The following HECTD4 variants were observed in gnomAD, a reference collection of about 807,000 sequenced individuals.
HECTD4 encodes HECT domain E3 ubiquitin protein ligase 4, also known as probable E3 ubiquitin-protein ligase HECTD4.
In HECTD4, 114 loss-of-function variants were observed where a neutral mutation model predicts 471.5. The ratio of observed to expected loss-of-function variants is 0.24; its 90% CI spans 0.21 to 0.28. The LOEUF (loss-of-function observed/expected upper bound fraction) is 0.28. Ranked by LOEUF, HECTD4 falls within the 10% of genes least tolerant of loss-of-function variation. The probability of loss-of-function intolerance (pLI) is 1.00; values close to 1 mark genes in which losing one functional copy is unlikely to be tolerated. For synonymous variants in HECTD4, 2,012 were observed against 2,256.0 expected (o/e 0.89, Z 3.07); for missense variants, 3,866 against 5,651.5 (o/e 0.68, Z 10.13).
At position 112,209,421 on chromosome 12, in the gene HECTD4, G is replaced by C. The variant is rs529482256; in HGVS notation, c.7867+594C>G. On this transcript the variant is annotated intron_variant, in intron 50 of 75. Transcript: ENST00000682272. Reference sequence around the variant, plus strand: ...AACTCACTGCAACCTCCACCTCCCGGTTCAAGCAATTCTTCTGCCTCAGCC... The same window carrying C: ...AACTCACTGCAACCTCCACCTCCCGCTTCAAGCAATTCTTCTGCCTCAGCC... 1.7e-4 allele frequency among the ~76,000 whole-genome samples: 26 copies of C among 151,910 alleles called. No homozygotes were observed. The East Asian group carries it at 5.0e-3, about 29-fold the overall frequency.
Position 112,243,606 on chromosome 12 carries a change from A to G in HECTD4, c.4791+14T>C. ...TAGGTGCTATTCATCTGGAGCCCGC[A>G]AAATGTGACGTACAGCTTGGTCAGG... On this transcript the variant is annotated intron_variant, in intron 31 of 75. Transcript: ENST00000682272. The surrounding 1 kb of genome is among the most constrained non-coding windows in gnomAD (Gnocchi z 6.6). 1 of 1,607,858 alleles carries G rather than the reference A, an allele frequency of 6.2e-7. No individual in the cohort carries two copies. Among genetic ancestry groups the G allele is most frequent in the East Asian group, 2.2e-5 (1 of 44,692 alleles).
intron 5 of HECTD4, 108 bp from the exon 6 acceptor site, chr12:112,308,999 T>A: frequency 8.8e-7 from 1 of 1,142,212 alleles, no homozygotes; most frequent in Non-Finnish European, 1.2e-6. Flanking sequence ...AAAAAATGAG[T>A]AAGTATGTAA....
intron 8 of HECTD4, 29 bp downstream of exon 8, chr12:112,283,081 A>G (rs772615466): frequency 1.9e-6 from 3 of 1,581,730 alleles, no homozygotes; most frequent in South Asian, 1.1e-5. Context: ...ATACAAGGAA[A>G]CAGATCTGGG....
rs1330303399 is a variant in HECTD4, at chr12:112,235,201, T to C, written c.5791A>G (p.Lys1931Glu). 6.2e-7 allele frequency: 1 copy of C among 1,614,032 alleles called. No homozygotes were observed. The highest frequency in any genetic ancestry group is 8.5e-7 in the Non-Finnish European group (1 of 1,179,890). The part of the protein sequence containing the change: ...PDTTLTKTSP[K>E]NSLKGDKDPG... ...TCTTTATCTCCTTTCAAGGAATTCTTGGGACTGGTTTTTGTCAATGTGGTG... is the reference window on the plus strand; with the variant it reads ...TCTTTATCTCCTTTCAAGGAATTCTCGGGACTGGTTTTTGTCAATGTGGTG... Residue 1931 changes from lysine (K) to glutamate (E), a missense_variant, in exon 37 of 76, where the codon AAG becomes GAG. Lys to Glu is a moderately conservative substitution (Grantham distance 56). This residue lies in a region of HECTD4 where 617 missense variants were observed against 915.1 expected (regional missense o/e 0.67). Transcript: ENST00000682272. This position sits in a 1 kb window ranked among gnomAD's most constrained non-coding sequence, Gnocchi z 5.0.
At chr12:112,335,420 T>C (rs896564344) in intron 1 of HECTD4, among the ~76,000 whole-genome samples, 2 of 151,978 alleles carry the variant, frequency 1.3e-5, no homozygotes, top group African/African-American at 4.8e-5. Context: ...AGACTATAAA[T>C]TGCGGCTCAT....
chr12:112,163,748 G>T lies in HECTD4; in HGVS notation c.12702-11C>A. The T allele has an allele frequency of 6.9e-7, 1 of 1,456,828 alleles. No individual in the cohort carries two copies. 90.2% of individuals were successfully genotyped at this position (1,456,828 alleles called of 1,614,324 possible). On this transcript the variant is annotated splice_polypyrimidine_tract_variant and intron_variant, in intron 73 of 75. Transcript: ENST00000682272. This position sits in a 1 kb window ranked among gnomAD's most constrained non-coding sequence, Gnocchi z 8.2. The stretch of plus-strand genomic sequence containing the variant: ...TCCTTGTTCTCCCACCTGCCCGGGT[G>T]AGGAGCACAGGTGAGGGAGAACACC...
At position 112,254,028 on chromosome 12, in the gene HECTD4, G is replaced by A. The variant is rs1470662653; in HGVS notation, c.3447+15C>T. ...ATTTTCTTTTCTAGGAAGCGATTAT[G>A]ACTGAATACCATACCTTCACCAAGT... On this transcript the variant is annotated intron_variant, in intron 22 of 75. Coordinates refer to ENST00000682272, the MANE Select transcript of HECTD4 (RefSeq NM_001388303.1). 6.2e-7 allele frequency: 1 copy of A among 1,613,360 alleles called. No homozygotes were observed. The highest frequency in any genetic ancestry group is 8.5e-7 in the Non-Finnish European group (1 of 1,179,602).
At position 112,162,193 on chromosome 12, in the gene HECTD4, C is replaced by T; in HGVS notation, c.*194G>A. On this transcript the variant is annotated 3_prime_UTR_variant, in exon 76 of 76. Coordinates refer to ENST00000682272, the MANE Select transcript of HECTD4 (RefSeq NM_001388303.1). The surrounding 1 kb of genome is among the most constrained non-coding windows in gnomAD (Gnocchi z 5.2). Reference sequence around the variant, plus strand: ...AGACCACAAACAGGCAGCAAAAGAACCAACCCATCACGAAACGTACAAAGA... The same window carrying T: ...AGACCACAAACAGGCAGCAAAAGAATCAACCCATCACGAAACGTACAAAGA... 1 of 588,554 alleles carries T rather than the reference C, an allele frequency of 1.7e-6. No individual in the cohort carries two copies. The highest frequency in any genetic ancestry group is 3.0e-5 in the Admixed American group (1 of 33,022). The allele number at this position is 588,554 out of a possible 1,614,324, so 36.5% of individuals were successfully genotyped here. A position where few individuals can be genotyped will look rare whatever the true frequency, so the allele number is the denominator to read the frequency against.
intron 20 of HECTD4, among the ~76,000 whole-genome samples, chr12:112,257,579 C>A (rs2034045911): frequency 6.6e-6 from 1 of 152,168 alleles, no homozygotes; most frequent in Non-Finnish European, 1.5e-5. Context: ...GATTAGTTTG[C>A]ATTTTCTAGA....
chr12:112,167,977 C>CG, intron 70 of HECTD4, 60 bp from the exon 71 acceptor site: 9 of 1,279,228 alleles, frequency 7.0e-6, no homozygotes, highest in Non-Finnish European at 1.0e-5. Context: ...CGACACCGTT[C>CG]CCTCCCTCTC....
intron 6 of HECTD4, among the ~76,000 whole-genome samples, chr12:112,307,884 C>A (rs2035295992): frequency 1.3e-5 from 2 of 152,232 alleles, no homozygotes; most frequent in African/African-American, 4.8e-5. Flanking sequence ...GGTTCAAGTT[C>A]TGGTGCCGCT....
chr12:112,167,796 C>A lies in HECTD4; in HGVS notation c.12312+18G>T. On this transcript the variant is annotated intron_variant, in intron 71 of 75. Transcript: ENST00000682272. ...CATGAGCTCGGGGGCGTGGAGCCTC[C>A]TCCCGGCCTCTGCCTACCTTGTTCT... 2 of 1,606,690 alleles carry A rather than the reference C, an allele frequency of 1.2e-6. No homozygotes were observed. The highest frequency in any genetic ancestry group is 1.7e-6 in the Non-Finnish European group (2 of 1,173,394).
intron 39 of HECTD4, 139 bp downstream of exon 39, chr12:112,231,374 G>A: frequency 1.4e-6 from 1 of 740,418 alleles, no homozygotes; most frequent in Non-Finnish European, 2.3e-6. Flanking sequence ...GCTGTACCTT[G>A]AGTGCAACTA....
intron 35 of HECTD4, among the ~76,000 whole-genome samples, chr12:112,236,347 C>A (rs941885770): frequency 6.6e-6 from 1 of 152,174 alleles, no homozygotes; most frequent in Non-Finnish European, 1.5e-5. Context: ...GTAAATAGTT[C>A]TCTTTGGAAT....
At chr12:112,241,415 T>C (rs2033639568) in intron 32 of HECTD4, among the ~76,000 whole-genome samples, 1 of 152,228 alleles carries the variant, frequency 6.6e-6, no homozygotes, top group Admixed American at 6.5e-5. Context: ...GTGATTACCA[T>C]GAGCCAGCAT....
Position 112,327,037 on chromosome 12 carries a change from G to C in HECTD4, c.178-7295C>G, listed in dbSNP as rs552332699. 1.4e-4 allele frequency among the ~76,000 whole-genome samples: 21 copies of C among 152,244 alleles called. No individual in the cohort carries two copies. In the South Asian group the frequency reaches 1.9e-3, roughly 14 times the overall value. On this transcript the variant is annotated intron_variant, in intron 1 of 75. Coordinates refer to ENST00000682272, the MANE Select transcript of HECTD4 (RefSeq NM_001388303.1). ...AGAAGCAATCTCAATGTATAAAAGGGAAGTGTTGGGCCAGGCGCGGTGGCT... is the reference window on the plus strand; with the variant it reads ...AGAAGCAATCTCAATGTATAAAAGGCAAGTGTTGGGCCAGGCGCGGTGGCT...
intron 72 of HECTD4, among the ~76,000 whole-genome samples, chr12:112,165,222 C>CTTT (rs1193174494): frequency 7.2e-6 from 1 of 138,392 alleles, no homozygotes; most frequent in Non-Finnish European, 1.6e-5. Context: ...TGTCCTCTTT[C>CTTT]TTTTTTTTTT....
intron 67 of HECTD4, among the ~76,000 whole-genome samples, chr12:112,172,201 C>G (rs558601035): frequency 1.6e-4 from 24 of 152,336 alleles, no homozygotes; most frequent in African/African-American, 5.8e-4. Context: ...GCGCGCCTGG[C>G]CCAGAGAACG....
At chr12:112,358,210 AT>A (rs2036381428) in intron 1 of HECTD4, among the ~76,000 whole-genome samples, 2 of 152,232 alleles carry the variant, frequency 1.3e-5, no homozygotes, top group African/African-American at 4.8e-5. Flanking sequence ...CTCAAAAAAA[AT>A]AAAAAATAAT....
Sources: gnomAD v4.1 joint callset for allele counts (sites outside exome capture counted in the v4.1 genomes callset) on GRCh38, gnomAD v4.1.1 for gene constraint, gnomAD v4.1.1 regional missense constraint, Gnocchi (gnomAD v3.1) non-coding constraint, MANE v1.5 for transcripts, NCBI Gene and HGNC (gene_info 2026-07-23, HGNC 2026-07-21) for gene names.